WNT3: variants seen among roughly 807,000 people sequenced by gnomAD.
WNT3 encodes Wnt family member 3, also known as proto-oncogene Wnt-3.
A neutral mutation model predicts 34.2 loss-of-function variants in WNT3; 7 were observed. The ratio of observed to expected loss-of-function variants is 0.20; its 90% CI spans 0.12 to 0.38. The LOEUF (loss-of-function observed/expected upper bound fraction) is 0.38. Ranked by LOEUF, WNT3 falls within the 10% of genes least tolerant of loss-of-function variation. WNT3 has a pLI of 1.00. For missense variants in WNT3, 267 were observed against 499.8 expected (o/e 0.53, Z 4.44); for synonymous variants, 212 against 211.5 (o/e 1.00, Z -0.02).
At chr17:46,810,617 G>C (rs1388153023) in intron 1 of WNT3, among the ~76,000 whole-genome samples, 3 of 152,148 alleles carry the variant, frequency 2.0e-5, no homozygotes, top group Non-Finnish European at 4.4e-5. Context: ...CTCATCCACT[G>C]TCTCACAGCT....
At chr17:46,771,894 G>T (rs1277718310) in intron 2 of WNT3, among the ~76,000 whole-genome samples, 2 of 136,974 alleles carry the variant, frequency 1.5e-5, no homozygotes, top group Non-Finnish European at 3.2e-5. Context: ...CCCCGCCCCT[G>T]CCCCCGCCCC....
intron 1 of WNT3, among the ~76,000 whole-genome samples, chr17:46,806,772 G>A (rs933339841): frequency 1.1e-4 from 16 of 152,350 alleles, no homozygotes; most frequent in East Asian, 3.9e-4. Context: ...GGGGAGAGCC[G>A]GTTAGAGTTG....
At chr17:46,807,413 C>T (rs377512553) in intron 1 of WNT3, among the ~76,000 whole-genome samples, 3 of 152,084 alleles carry the variant, frequency 2.0e-5, no homozygotes, top group Non-Finnish European at 2.9e-5. Context: ...ACCCGGGAGG[C>T]GGAGGTTGCA....
At chr17:46,815,199 G>A (rs1409356259) in intron 1 of WNT3, among the ~76,000 whole-genome samples, 1 of 151,756 alleles carries the variant, frequency 6.6e-6, no homozygotes, top group Non-Finnish European at 1.5e-5. Context: ...GAAGAAGAAA[G>A]ACAAGTTTCT....
In WNT3 at chr17:46,768,793, G is replaced by C. The variant is rs1448284693; in HGVS notation, c.595C>G (p.Leu199Val). Residue 199 changes from leucine to valine, a missense_variant, in exon 4 of 5, where the codon CTG becomes GTG. Leu to Val is a conservative substitution (Grantham distance 32). Coordinates refer to ENST00000225512, the MANE Select transcript of WNT3 (RefSeq NM_030753.5). This position sits in a 1 kb window ranked among gnomAD's most constrained non-coding sequence, Gnocchi z 5.0. ...HNNEAGRTTI[L>V]DHMHLKCKCH... ...TTGCATTTGAGGTGCATGTGGTCCA[G>C]GATAGTCTGGGGGAGAGAAGTGGCA... The C allele has an allele frequency of 1.9e-6, 3 of 1,613,450 alleles. No individual in the cohort carries two copies. In the East Asian group the frequency reaches 6.7e-5, roughly 36 times the overall value.
intron 2 of WNT3, among the ~76,000 whole-genome samples, chr17:46,770,451 C>A (rs1002628951): frequency 7.2e-5 from 11 of 152,202 alleles, no homozygotes; most frequent in Admixed American, 1.3e-4. Flanking sequence ...CCTGAGCCCT[C>A]CCACGCCTGA....
At chr17:46,809,359 C>T (rs951847990) in intron 1 of WNT3, among the ~76,000 whole-genome samples, 3 of 152,290 alleles carry the variant, frequency 2.0e-5, no homozygotes, top group East Asian at 1.9e-4. Flanking sequence ...TTTTCCTTGC[C>T]GGCCCAGCTG....
At chr17:46,796,672 C>T (rs964220021) in intron 1 of WNT3, among the ~76,000 whole-genome samples, 9 of 152,188 alleles carry the variant, frequency 5.9e-5, no homozygotes, top group African/African-American at 2.2e-4. Flanking sequence ...GGACCTAAGA[C>T]GGGAGAATGA....
chr17:46,793,548 T>C (rs1195481532), intron 1 of WNT3, among the ~76,000 whole-genome samples: 1 of 152,122 alleles, frequency 6.6e-6, no homozygotes, highest in African/African-American at 2.4e-5. Context: ...GCCCAAGGCA[T>C]TGCAGGAGGA....
intron 1 of WNT3, among the ~76,000 whole-genome samples, chr17:46,787,957 G>GAA (rs58426374): frequency 7.1e-5 from 7 of 98,448 alleles, no homozygotes; most frequent in Admixed American, 1.1e-4. Context: ...CTCTGCCTCA[G>GAA]AAAAAAAAAA....
At chr17:46,808,159 G>A (rs2084221361) in intron 1 of WNT3, among the ~76,000 whole-genome samples, 1 of 152,174 alleles carries the variant, frequency 6.6e-6, no homozygotes, top group South Asian at 2.1e-4. Flanking sequence ...AGGAAACTGA[G>A]GCCCGGGAGG....
intron 1 of WNT3, among the ~76,000 whole-genome samples, chr17:46,807,387 CAGG>C (rs1291569591): frequency 1.3e-5 from 2 of 152,172 alleles, no homozygotes; most frequent in Non-Finnish European, 2.9e-5. Context: ...GAGGCTGAGG[CAGG>C]AGAATTGCTT....
At position 46,814,562 on chromosome 17, in the gene WNT3, G is replaced by T. The variant is rs140485884; in HGVS notation, c.80+3956C>A. Among the ~76,000 whole-genome samples, 640 of 152,304 alleles carry T rather than the reference G, an allele frequency of 4.2e-3. 10 individuals carry two copies. The highest frequency in any genetic ancestry group is 0.014 in the African/African-American group (593 of 41,556). On this transcript the variant is annotated intron_variant, in intron 1 of 4. Transcript: ENST00000225512. ...CCACCCGGTTAAAGCCTGGCCATCC[G>T]ATCTGGTATCTGCCCATCTGTCTGT...
intron 2 of WNT3, among the ~76,000 whole-genome samples, chr17:46,771,516 G>A (rs1330712655): frequency 1.3e-5 from 2 of 149,152 alleles, no homozygotes; most frequent in Non-Finnish European, 3.0e-5. Flanking sequence ...GGCGGGGCGG[G>A]GATTAGCCTG....
chr17:46,813,905 C>T (rs2084307572), intron 1 of WNT3, among the ~76,000 whole-genome samples: 1 of 152,250 alleles, frequency 6.6e-6, no homozygotes, highest in Non-Finnish European at 1.5e-5. Context: ...CCCTCGCTGT[C>T]TGCCTCAGTT....
intron 1 of WNT3, among the ~76,000 whole-genome samples, chr17:46,784,968 G>T (rs148200460): frequency 6.6e-6 from 1 of 152,022 alleles, no homozygotes; most frequent in East Asian, 2.0e-4. Flanking sequence ...TAGTAGAGAC[G>T]GGGTTTCACT....
At chr17:46,804,749 T>G (rs986595865) in intron 1 of WNT3, among the ~76,000 whole-genome samples, 1 of 152,200 alleles carries the variant, frequency 6.6e-6, no homozygotes, top group African/African-American at 2.4e-5. Flanking sequence ...TTTTCTGTCT[T>G]ACAAGAGGTT....
intron 1 of WNT3, among the ~76,000 whole-genome samples, chr17:46,790,622 G>A (rs1383320917): frequency 2.0e-5 from 3 of 152,040 alleles, no homozygotes; most frequent in Non-Finnish European, 2.9e-5. Context: ...GGATCAACCC[G>A]TCCCCTGTTT....
At chr17:46,793,272 TAAAAAAAAAAAAAAAA>T (rs71138551) in intron 1 of WNT3, among the ~76,000 whole-genome samples, 1 of 41,950 alleles carries the variant, frequency 2.4e-5, no homozygotes, top group South Asian at 2.0e-3. Flanking sequence ...AGACCCTGTC[TAAAAAAAAAAAAAAAA>T]AAAAAAAAAA....
Sources: gnomAD v4.1 joint callset for allele counts (sites outside exome capture counted in the v4.1 genomes callset) on GRCh38, gnomAD v4.1.1 for gene constraint, Gnocchi (gnomAD v3.1) non-coding constraint, MANE v1.5 for transcripts, NCBI Gene and HGNC (gene_info 2026-07-23, HGNC 2026-07-21) for gene names.